The following GNAS variants were observed in gnomAD, a reference collection of about 807,000 sequenced individuals.
GNAS encodes protein ALEX.
A neutral mutation model predicts 54.5 loss-of-function variants in GNAS; 8 were observed. The ratio of observed to expected loss-of-function variants is 0.15; its 90% confidence interval spans 0.09 to 0.26. The LOEUF (loss-of-function observed/expected upper bound fraction) is 0.26, where lower values mean the gene tolerates loss of function less well. Ranked by LOEUF, GNAS falls within the 10% of genes least tolerant of loss-of-function variation. The pLI is 1.00. For missense variants in GNAS, 170 were observed against 529.8 expected, an observed-to-expected ratio of 0.32 and a Z score of 6.67; for synonymous variants, 204 against 191.4, an observed-to-expected ratio of 1.07 and a Z score of -0.54.
At chr20:58,858,184 A>C (rs563940136) in intron 1 of GNAS, among the ~76,000 whole-genome samples, 2 of 152,354 alleles carry the variant, frequency 1.3e-5, no homozygotes, top group Non-Finnish European at 2.9e-5. Flanking sequence ...CCCAACATAT[A>C]AAACAAGACA....
chr20:58,852,630 A>G (rs1326141260), intron 1 of GNAS: 3 of 181,174 alleles, frequency 1.7e-5, no homozygotes, highest in African/African-American at 7.1e-5. Context: ...CAGCTCCTGT[A>G]CTCCAGCGTT....
rs2146303966 is a variant in GNAS at position 58,910,626 on chromosome 20, G to C, written c.1039-57G>C. On this transcript the variant is annotated intron_variant, in intron 12 of 12. Coordinates refer to ENST00000371085, the MANE Select transcript of GNAS (RefSeq NM_000516.7). This position sits in a 1 kb window ranked among gnomAD's most constrained non-coding sequence, Gnocchi z 5.8. The stretch of plus-strand genomic sequence containing the variant: ...GTCCCTGGTAGGTGTCCCCATCAGG[G>C]ATAGGGTGGTTCCTGGCGAGGGTGT... The C allele has an allele frequency of 6.2e-7, 1 of 1,603,550 alleles. No individual in the cohort carries two copies. Among genetic ancestry groups the C allele is most frequent in the Admixed American group, 1.7e-5 (1 of 59,902 alleles).
Position 58,860,165 on chromosome 20 carries a change from T to C in GNAS, c.43+19279T>C, listed in dbSNP as rs546150780. Among the ~76,000 whole-genome samples, 21 of 152,334 alleles carry C rather than the reference T, an allele frequency of 1.4e-4. No homozygotes were observed. In the South Asian group the frequency reaches 3.7e-3, roughly 27 times the overall value. ...CCTGGTTATAAATGTCCATTGAGTA[T>C]ACATGAAACATGAGCTCCCCCATTT... is the stretch of plus-strand genomic sequence containing the variant. On this transcript the variant is annotated intron_variant, in intron 1 of 12. Coordinates refer to the GNAS transcript ENST00000306090.
At chr20:58,902,544 A>T (rs560038006) in intron 3 of GNAS, among the ~76,000 whole-genome samples, 1 of 152,012 alleles carries the variant, frequency 6.6e-6, no homozygotes, top group African/African-American at 2.4e-5. Context: ...AGGAAAAGCT[A>T]CAAAACCTTC....
chr20:58,853,671 C>A lies in GNAS; in HGVS notation c.43+12785C>A, dbSNP rs768525794. 1 of 1,613,620 alleles carries A rather than the reference C, an allele frequency of 6.2e-7. No individual in the cohort carries two copies. The highest frequency in any genetic ancestry group is 8.5e-7 in the Non-Finnish European group (1 of 1,179,824). On this transcript the variant is annotated intron_variant, in intron 1 of 12. Coordinates refer to the GNAS transcript ENST00000306090. This position sits in a 1 kb window ranked among gnomAD's most constrained non-coding sequence, Gnocchi z 4.4. ...CCATGCAGGCCTTGAGGCCTTCGGC[C>A]CAGCACTCATGGAGCCCGGAGCCTT...
Position 58,911,123 on chromosome 20 carries a change from CAA to C in GNAS, c.*296_*297del, listed in dbSNP as rs926391904. ...AACAAATAAAATGAAATAAAAGAAA[CAA>C]ATGAAATAAATATTGTGTTGTGCAG... On this transcript the variant is annotated 3_prime_UTR_variant, in exon 13 of 13. Transcript: ENST00000371085. The C allele has an allele frequency of 2.1e-5, 12 of 559,476 alleles. No individual in the cohort carries two copies. The African/African-American group carries it at 2.3e-4, about 11-fold the overall frequency. 34.7% of individuals were successfully genotyped at this position (559,476 alleles called of 1,614,324 possible).
chr20:58,878,825 T>A (rs893969918), intron 1 of GNAS, among the ~76,000 whole-genome samples: 1 of 150,888 alleles, frequency 6.6e-6, no homozygotes. Flanking sequence ...AGGAGCAGCA[T>A]CCTGGCTTAT....
intron 1 of GNAS, among the ~76,000 whole-genome samples, chr20:58,883,638 A>G (rs934088495): frequency 3.3e-5 from 5 of 152,190 alleles, no homozygotes; most frequent in African/African-American, 9.7e-5. Flanking sequence ...CAGGCCAGTG[A>G]GAGTTCTGTG....
chr20:58,908,157 C>CTAAAA (rs925674020), intron 6 of GNAS, among the ~76,000 whole-genome samples: 31 of 152,188 alleles, frequency 2.0e-4, no homozygotes, highest in Middle Eastern at 3.2e-3. Flanking sequence ...ACTTTTCTCT[C>CTAAAA]TTTATGATTT....
At chr20:58,842,961 G>T (rs1425082011) in intron 1 of GNAS, among the ~76,000 whole-genome samples, 2 of 152,084 alleles carry the variant, frequency 1.3e-5, no homozygotes, top group Non-Finnish European at 2.9e-5. Flanking sequence ...AAAGCCCTCC[G>T]TGTCGAGCCC....
Position 58,909,879 on chromosome 20 carries a change from C to G in GNAS, c.840-72C>G, listed in dbSNP as rs3730173. ...CTGCACTGTTTATAGAGAAGAACCCCGTGCAAGCATTCCAGACCCCTGGCC... is the reference window on the plus strand; with the variant it reads ...CTGCACTGTTTATAGAGAAGAACCCGGTGCAAGCATTCCAGACCCCTGGCC... On this transcript the variant is annotated intron_variant, in intron 10 of 12. Coordinates refer to ENST00000371085, the MANE Select transcript of GNAS (RefSeq NM_000516.7). The surrounding 1 kb of genome is among the most constrained non-coding windows in gnomAD (Gnocchi z 7.3). The G allele has an allele frequency of 4.3e-6, 7 of 1,612,248 alleles. No homozygotes were observed. The highest frequency in any genetic ancestry group is 5.9e-6 in the Non-Finnish European group (7 of 1,179,118).
chr20:58,894,403 C>G (rs1161762465), intron 1 of GNAS, among the ~76,000 whole-genome samples: 3 of 152,120 alleles, frequency 2.0e-5, no homozygotes, highest in African/African-American at 7.2e-5. Flanking sequence ...TCTGTGGAAA[C>G]TAATTTTAAC....
chr20:58,892,357 G>A (rs1484607310), intron 1 of GNAS: 3 of 177,876 alleles, frequency 1.7e-5, no homozygotes, highest in African/African-American at 4.9e-5. Context: ...AGGGAAAGAG[G>A]GGAAGAAAGG....
chr20:58,869,651 G>T (rs1196758137), intron 1 of GNAS, among the ~76,000 whole-genome samples: 1 of 152,170 alleles, frequency 6.6e-6, no homozygotes, highest in East Asian at 1.9e-4. Context: ...ACTTGCTAGG[G>T]ATACATCATT....
intron 1 of GNAS, chr20:58,885,094 T>C (rs553430845): frequency 2.5e-4 from 38 of 152,364 alleles, no homozygotes; most frequent in African/African-American, 8.4e-4. Context: ...TCTCTTTTTG[T>C]TAGCTTCCCC....
chr20:58,881,788 T>C (rs1479331594), intron 1 of GNAS: 1 of 152,196 alleles, frequency 6.6e-6, no homozygotes, highest in Non-Finnish European at 1.5e-5. Flanking sequence ...TGGTGTTAGG[T>C]CACTGCAACC....
chr20:58,889,976 G>T (rs1166819557), upstream of GNAS, among the ~76,000 whole-genome samples: 1 of 151,310 alleles, frequency 6.6e-6, no homozygotes, highest in Non-Finnish European at 1.5e-5. Flanking sequence ...AAGCTGCGGC[G>T]GCGGCTGCGG....
intron 1 of GNAS, chr20:58,892,159 TTC>T (rs1046046710): frequency 1.1e-4 from 99 of 933,998 alleles, no homozygotes; most frequent in Non-Finnish European, 7.4e-5. Context: ...CTCCCCCTCT[TTC>T]TCTCTTTCTC....
Position 58,853,419 on chromosome 20 carries a change from G to A in GNAS, c.43+12533G>A, listed in dbSNP as rs527488103. The A allele has an allele frequency of 9.7e-5, 154 of 1,592,522 alleles. No individual in the cohort carries two copies. Among genetic ancestry groups the A allele is most frequent in the Admixed American group, 5.8e-4 (33 of 57,132 alleles). On this transcript the variant is annotated intron_variant, in intron 1 of 12. Transcript: ENST00000306090. The surrounding 1 kb of genome is among the most constrained non-coding windows in gnomAD (Gnocchi z 4.4). ...TAGCCCAGCCGAAGAGATGGAGACC[G>A]AACCGCCTCACAACGAGCCCATCCC...
Sources: gnomAD v4.1 joint callset for allele counts (sites outside exome capture counted in the v4.1 genomes callset) on GRCh38, gnomAD v4.1.1 for gene constraint, Gnocchi (gnomAD v3.1) non-coding constraint, MANE v1.5 for transcripts, NCBI Gene and HGNC (gene_info 2026-07-23, HGNC 2026-07-21) for gene names.